MICALL1: variants seen among roughly 807,000 people sequenced by gnomAD.
MICALL1 encodes MICAL like 1.
MICALL1 carries 61 observed loss-of-function variants against 83.7 expected under a neutral mutation model. The observed-to-expected ratio is 0.73, with a 90% CI of 0.59 to 0.90. The LOEUF (loss-of-function observed/expected upper bound fraction) is 0.90, where lower values mean the gene tolerates loss of function less well. Among genes scored for constraint, MICALL1 ranks in the 40% least tolerant of loss-of-function variants. The probability of loss-of-function intolerance (pLI) is 0.00; values close to 1 mark genes in which losing one functional copy is unlikely to be tolerated. For missense variants in MICALL1, 1,066 were observed against 1,152.0 expected, an observed-to-expected ratio of 0.93 and a Z score of 1.08; for synonymous variants, 481 against 473.6, an observed-to-expected ratio of 1.02 and a Z score of -0.20.
intron 5 of MICALL1, among the ~76,000 whole-genome samples, chr22:37,920,086 A>G (rs1204350723): frequency 6.6e-6 from 1 of 152,128 alleles, no homozygotes; most frequent in Non-Finnish European, 1.5e-5. Context: ...TACCCTCCCA[A>G]GTAATCGGGA....
At chr22:37,933,853 G>A (rs1219337288) in intron 13 of MICALL1, among the ~76,000 whole-genome samples, 1 of 152,238 alleles carries the variant, frequency 6.6e-6, no homozygotes, top group African/African-American at 2.4e-5. Flanking sequence ...CTTGGCTGTT[G>A]GTGACGGGGC....
At chr22:37,908,728 C>T (rs901253432) in intron 1 of MICALL1, among the ~76,000 whole-genome samples, 3 of 152,228 alleles carry the variant, frequency 2.0e-5, no homozygotes, top group Admixed American at 6.5e-5. Flanking sequence ...CGCTCTCCCA[C>T]ACCTGTAGGG....
chr22:37,911,936 C>G lies in MICALL1; in HGVS notation c.147-16C>G, dbSNP rs757547689. ...CCTCCCCTCTTGACCAACCCTCCTC[C>G]CTTTGCCTCTTGCAGAGATTTTGAT... On this transcript the variant is annotated splice_polypyrimidine_tract_variant and intron_variant, in intron 1 of 15. Transcript: ENST00000215957. 6.2e-7 allele frequency: 1 copy of G among 1,614,064 alleles called. No homozygotes were observed. The highest frequency in any genetic ancestry group is 2.2e-5 in the East Asian group (1 of 44,890).
intron 5 of MICALL1, among the ~76,000 whole-genome samples, chr22:37,921,434 G>A (rs1005888167): frequency 1.3e-5 from 2 of 152,032 alleles, no homozygotes; most frequent in African/African-American, 4.8e-5. Context: ...TTAGCCAGGT[G>A]TGGTGGCAGA....
chr22:37,918,021 A>G (rs760586491), intron 4 of MICALL1, among the ~76,000 whole-genome samples: 3 of 152,066 alleles, frequency 2.0e-5, no homozygotes, highest in Non-Finnish European at 4.4e-5. Flanking sequence ...AGGGAGCCCT[A>G]CCTCCTTCTC....
Position 37,922,334 on chromosome 22 carries a change from G to T in MICALL1, c.932G>T (p.Ser311Ile). 6.5e-7 allele frequency: 1 copy of T among 1,527,614 alleles called. No individual in the cohort carries two copies. The allele number at this position is 1,527,614 out of a possible 1,614,324, so 94.6% of individuals were successfully genotyped here. The change falls in exon 6 of 16, where the codon AGC becomes ATC. Residue 311 changes from serine (S) to isoleucine (I), a missense_variant. Ser to Ile is a moderately radical substitution (Grantham distance 142, BLOSUM62 -2). Coordinates refer to ENST00000215957, the MANE Select transcript of MICALL1 (RefSeq NM_033386.4). ...PTPAPRKASE[S>I]TTPAPPTPRP... ...CCTGCCCCCAGGAAGGCCTCTGAGA[G>T]CACCACCCCAGCACCCCCCACGCCC...
chr22:37,922,577 T>TTATATATATATATATA (rs1396419615), intron 6 of MICALL1, 151 bp downstream of exon 6: 5 of 115,152 alleles, frequency 4.3e-5, no homozygotes, highest in African/African-American at 3.6e-4. Context: ...TTTGAGGTTA[T>TTATATATATATATATA]TATATATATA....
In MICALL1 at chr22:37,930,668, G is replaced by A. The variant is rs944494994; in HGVS notation, c.1882-1131G>A. The stretch of plus-strand genomic sequence containing the variant: ...GGCAGGGCCTTGCCGTGCCCTGGCA[G>A]TGGAGCTGCCCGGCCTGTGCTGGCC... On this transcript the variant is annotated intron_variant, in intron 9 of 15. Coordinates refer to ENST00000215957, the MANE Select transcript of MICALL1 (RefSeq NM_033386.4). The surrounding 1 kb of genome is among the most constrained non-coding windows in gnomAD (Gnocchi z 4.8). Among the ~76,000 whole-genome samples the A allele has an allele frequency of 3.3e-5, 5 of 152,222 alleles. No homozygotes were observed. The highest frequency in any genetic ancestry group is 7.3e-5 in the Non-Finnish European group (5 of 68,036).
chr22:37,922,601 A>ATATATATATATTTT (rs1432520739), intron 6 of MICALL1, among the ~76,000 whole-genome samples, 175 bp downstream of exon 6: 5 of 31,946 alleles, frequency 1.6e-4, no homozygotes, highest in Non-Finnish European at 2.5e-4. Context: ...ATATATATAT[A>ATATATATATATTTT]TTTTTTTTTT....
At chr22:37,913,078 T>C (rs1928442670) in intron 3 of MICALL1, among the ~76,000 whole-genome samples, 1 of 152,046 alleles carries the variant, frequency 6.6e-6, no homozygotes, top group Non-Finnish European at 1.5e-5. Flanking sequence ...TTCTCCTGTC[T>C]CAGCCTCCTG....
chr22:37,908,299 TTAA>T (rs1458581591), intron 1 of MICALL1, among the ~76,000 whole-genome samples: 1 of 151,852 alleles, frequency 6.6e-6, no homozygotes, highest in Non-Finnish European at 1.5e-5. Flanking sequence ...TTTTTTTTTT[TTAA>T]TGTTTTTTAT....
Position 37,925,967 on chromosome 22 carries a change from G to A in MICALL1, c.1389G>A (p.Trp463Ter), listed in dbSNP as rs374077907. ...PESTPKSLHP[W>*]YGITPTSSPK... Reference sequence around the variant, plus strand: ...CCACACCCAAGTCCCTGCACCCCTGGTACGGCATCACCCCTACCAGCAGCC... The same window carrying A: ...CCACACCCAAGTCCCTGCACCCCTGATACGGCATCACCCCTACCAGCAGCC... Residue 463 changes from tryptophan (W) to a stop codon, truncating the protein, a stop_gained, in exon 8 of 16, where the codon TGG becomes TGA. Coordinates refer to ENST00000215957, the MANE Select transcript of MICALL1 (RefSeq NM_033386.4). LOFTEE classifies it high-confidence loss of function. 6.2e-7 allele frequency: 1 copy of A among 1,613,752 alleles called. No homozygotes were observed. Among genetic ancestry groups the A allele is most frequent in the African/African-American group, 1.3e-5 (1 of 74,910 alleles).
At chr22:37,933,241 G>A in intron 13 of MICALL1, 129 bp downstream of exon 13, 3 of 931,782 alleles carry the variant, frequency 3.2e-6, no homozygotes, top group Non-Finnish European at 5.0e-6. Context: ...AGAGGAGGAG[G>A]TGCGGGGCAG....
chr22:37,912,810 C>T (rs900532200), intron 3 of MICALL1, among the ~76,000 whole-genome samples: 3 of 151,676 alleles, frequency 2.0e-5, no homozygotes, highest in Non-Finnish European at 4.4e-5. Context: ...TACAGGCACC[C>T]GGCACCACGC....
At chr22:37,916,717 G>A (rs942976648) in intron 3 of MICALL1, among the ~76,000 whole-genome samples, 6 of 152,198 alleles carry the variant, frequency 3.9e-5, no homozygotes, top group Non-Finnish European at 5.9e-5. Context: ...GGGAGCCAGG[G>A]CAGGAGTGAA....
At chr22:37,939,236 G>A (rs940788184) in intron 15 of MICALL1, among the ~76,000 whole-genome samples, 2 of 152,158 alleles carry the variant, frequency 1.3e-5, no homozygotes, top group African/African-American at 4.8e-5. Context: ...TGCAGAATGC[G>A]GGTGAAAATG....
chr22:37,913,404 A>C (rs1437674482), intron 3 of MICALL1, among the ~76,000 whole-genome samples: 1 of 152,248 alleles, frequency 6.6e-6, no homozygotes, highest in African/African-American at 2.4e-5. Context: ...CAGAGGAGAC[A>C]CAGCAGGTTG....
chr22:37,933,631 C>T (rs769668402), intron 13 of MICALL1, among the ~76,000 whole-genome samples: 4 of 152,064 alleles, frequency 2.6e-5, no homozygotes, highest in Non-Finnish European at 4.4e-5. Context: ...ACCATGTGGC[C>T]GAGTTGGGGT....
rs1929279432 is a variant in MICALL1 at position 37,924,291 on chromosome 22, G to A, written c.1025-369G>A. 6.6e-6 allele frequency among the ~76,000 whole-genome samples: 1 copy of A among 152,184 alleles called. No individual in the cohort carries two copies. The highest frequency in any genetic ancestry group is 1.5e-5 in the Non-Finnish European group (1 of 68,024). ...GGATTGTGGAAGTCTTGCTAAGTTG[G>A]AAGGAGGGGAGCAGGGGCTGCTGTG... On this transcript the variant is annotated intron_variant, in intron 6 of 15. Transcript: ENST00000215957. The surrounding 1 kb of genome is among the most constrained non-coding windows in gnomAD (Gnocchi z 5.2).
Sources: allele counts gnomAD v4.1 joint callset (sites outside exome capture counted in the v4.1 genomes callset), GRCh38; gene constraint gnomAD v4.1.1; non-coding constraint Gnocchi (gnomAD v3.1); transcripts MANE v1.5; gene names NCBI Gene and HGNC (gene_info 2026-07-23, HGNC 2026-07-21).